Variants in ADAM23 observed in about 807,000 individuals in gnomAD.
ADAM23 encodes disintegrin and metalloproteinase domain-containing protein 23.
Under a neutral mutation model 120.1 loss-of-function variants are expected in ADAM23, and 33 were observed. The observed-to-expected ratio is 0.27, with a 90% CI of 0.21 to 0.37. The LOEUF is 0.37. Ranked by LOEUF, ADAM23 falls within the 10% of genes least tolerant of loss-of-function variation. The pLI, the probability that ADAM23 is intolerant of heterozygous loss-of-function variation, is 1.00. For synonymous variants in ADAM23, 367 were observed against 375.2 expected (o/e 0.98, Z 0.25); for missense variants, 862 against 1,058.2 (o/e 0.81, Z 2.57).
rs920302007 is a variant in ADAM23 at position 206,488,020 on chromosome 2, T to A, written c.509+6712T>A. 4.6e-5 allele frequency among the ~76,000 whole-genome samples: 7 copies of A among 152,200 alleles called. No homozygotes were observed. The East Asian group carries it at 1.3e-3, about 29-fold the overall frequency. ...AGAGGTGTTTGATTTAAGATGAATATCTAGAAAATGCTGATTTAAAGAAAT... is the reference window on the plus strand; with the variant it reads ...AGAGGTGTTTGATTTAAGATGAATAACTAGAAAATGCTGATTTAAAGAAAT... On this transcript the variant is annotated intron_variant, in intron 3 of 25. Transcript: ENST00000264377.
intron 25 of ADAM23, among the ~76,000 whole-genome samples, chr2:206,613,519 T>C (rs1474192883): frequency 6.6e-6 from 1 of 152,206 alleles, no homozygotes; most frequent in Non-Finnish European, 1.5e-5. Context: ...TATATCTGCA[T>C]TTATTTTCAT....
intron 21 of ADAM23, 59 bp downstream of exon 21, chr2:206,589,573 G>A: frequency 7.5e-7 from 1 of 1,340,274 alleles, no homozygotes; most frequent in Non-Finnish European, 1.0e-6. Flanking sequence ...TTATGCAAGT[G>A]CAAAATGAGC....
intron 2 of ADAM23, among the ~76,000 whole-genome samples, chr2:206,451,495 C>T (rs566339543): frequency 6.6e-6 from 1 of 152,328 alleles, no homozygotes; most frequent in South Asian, 2.1e-4. Flanking sequence ...CCACTTTGGC[C>T]TCCCAAAGTT....
chr2:206,532,571 T>C (rs1469205810), intron 4 of ADAM23, among the ~76,000 whole-genome samples: 1 of 152,178 alleles, frequency 6.6e-6, no homozygotes, highest in Non-Finnish European at 1.5e-5. Flanking sequence ...ACTTACGTGC[T>C]TCATAGATAA....
At chr2:206,534,555 C>G (rs1212567318) in intron 4 of ADAM23, among the ~76,000 whole-genome samples, 1 of 151,826 alleles carries the variant, frequency 6.6e-6, no homozygotes, top group Non-Finnish European at 1.5e-5. Context: ...ATTTGTTGAC[C>G]AACTTTGCTG....
At chr2:206,578,439 C>CAT (rs966230049) in intron 18 of ADAM23, among the ~76,000 whole-genome samples, 4 of 151,606 alleles carry the variant, frequency 2.6e-5, no homozygotes, top group African/African-American at 7.3e-5. Context: ...TCAGCGAGAA[C>CAT]ATATGATGCT....
intron 24 of ADAM23, 135 bp downstream of exon 24, chr2:206,596,297 T>G: frequency 1.6e-6 from 1 of 609,436 alleles, no homozygotes; most frequent in Non-Finnish European, 2.8e-6. Flanking sequence ...GTATATAATT[T>G]ATGTTACTGC....
At chr2:206,550,466 A>T (rs1472872675) in intron 9 of ADAM23, among the ~76,000 whole-genome samples, 1 of 151,980 alleles carries the variant, frequency 6.6e-6, no homozygotes, top group Admixed American at 6.5e-5. Context: ...TTCTAATTTT[A>T]TTCCGTGCTT....
intron 18 of ADAM23, among the ~76,000 whole-genome samples, chr2:206,585,770 A>G (rs1223105220): frequency 2.0e-5 from 3 of 152,216 alleles, no homozygotes; most frequent in Admixed American, 6.5e-5. Context: ...CAATGAACAA[A>G]CAAGTAAGTA....
At chr2:206,467,301 C>T (rs935254257) in intron 2 of ADAM23, among the ~76,000 whole-genome samples, 2 of 152,158 alleles carry the variant, frequency 1.3e-5, no homozygotes, top group African/African-American at 2.4e-5. Context: ...TGCCTATGCA[C>T]CTATAAAATC....
At chr2:206,578,303 C>G (rs894445452) in intron 18 of ADAM23, among the ~76,000 whole-genome samples, 6 of 151,972 alleles carry the variant, frequency 3.9e-5, no homozygotes, top group African/African-American at 1.5e-4. Flanking sequence ...ATCCATCACC[C>G]GAGCAGTATA....
At chr2:206,504,194 G>C (rs550447255) in intron 3 of ADAM23, among the ~76,000 whole-genome samples, 4 of 152,048 alleles carry the variant, frequency 2.6e-5, no homozygotes, top group African/African-American at 9.6e-5. Flanking sequence ...TCTATAATAT[G>C]TTAAATACAT....
chr2:206,458,387 G>A (rs995446207), intron 2 of ADAM23, among the ~76,000 whole-genome samples: 1 of 152,188 alleles, frequency 6.6e-6, no homozygotes, highest in South Asian at 2.1e-4. Flanking sequence ...GACAGTTGTG[G>A]CGAGGGGTGA....
intron 2 of ADAM23, among the ~76,000 whole-genome samples, chr2:206,476,504 A>G (rs775891340): frequency 2.2e-4 from 34 of 152,108 alleles, no homozygotes; most frequent in Non-Finnish European, 4.3e-4. Flanking sequence ...TTAGAGTCTC[A>G]TAGGAGCATG....
chr2:206,561,305 A>C, intron 12 of ADAM23, 93 bp downstream of exon 12: 1 of 1,076,398 alleles, frequency 9.3e-7, no homozygotes, highest in Admixed American at 1.9e-5. Context: ...GTTTAGAATG[A>C]TGACATGGCA....
At chr2:206,449,844 G>A (rs1695156400) in intron 2 of ADAM23, among the ~76,000 whole-genome samples, 1 of 152,142 alleles carries the variant, frequency 6.6e-6, no homozygotes, top group African/African-American at 2.4e-5. Context: ...CTTCTGGTTG[G>A]GAAGGGATTG....
chr2:206,608,392 A>C (rs916738274), intron 24 of ADAM23, among the ~76,000 whole-genome samples: 1 of 152,160 alleles, frequency 6.6e-6, no homozygotes, highest in East Asian at 1.9e-4. Flanking sequence ...TATCACTCAC[A>C]AACTTCTAGA....
chr2:206,480,957 A>G (rs1313088396), intron 2 of ADAM23, among the ~76,000 whole-genome samples: 3 of 152,208 alleles, frequency 2.0e-5, no homozygotes, highest in Non-Finnish European at 4.4e-5. Flanking sequence ...GTCACTTTGT[A>G]AGTCCAGCAG....
At chr2:206,454,466 A>G (rs916461109) in intron 2 of ADAM23, among the ~76,000 whole-genome samples, 4 of 152,110 alleles carry the variant, frequency 2.6e-5, no homozygotes, top group South Asian at 2.1e-4. Context: ...GAACCAAACC[A>G]TAACATTCCA....
Sources: allele counts gnomAD v4.1 joint callset (sites outside exome capture counted in the v4.1 genomes callset), GRCh38; gene constraint gnomAD v4.1.1; transcripts MANE v1.5; gene names NCBI Gene and HGNC (gene_info 2026-07-23, HGNC 2026-07-21).